ANO6: variants seen among roughly 807,000 people sequenced by gnomAD.
The protein encoded by ANO6 is anoctamin-6.
In ANO6, 106 loss-of-function variants were observed where a neutral mutation model predicts 117.5. That is an observed-to-expected ratio of 0.90 (90% CI 0.77 to 1.06). The LOEUF (loss-of-function observed/expected upper bound fraction) is 1.06, where lower values mean the gene tolerates loss of function less well. ANO6 is among the 50% of genes least tolerant of loss of function. The pLI is 0.00. For synonymous variants in ANO6, 367 were observed against 385.1 expected (o/e 0.95, Z 0.55); for missense variants, 955 against 1,121.1 (o/e 0.85, Z 2.12).
intron 1 of ANO6, among the ~76,000 whole-genome samples, chr12:45,250,665 A>T (rs1421708589): frequency 6.6e-6 from 1 of 151,808 alleles, no homozygotes; most frequent in Non-Finnish European, 1.5e-5. Flanking sequence ...TGCCTCTGAA[A>T]GTACTGGGAT....
In ANO6 at chr12:45,432,274, ATTAATG is replaced by A; in HGVS notation, c.*2969_*2974del. On this transcript the variant is annotated 3_prime_UTR_variant, in exon 20 of 20. Coordinates refer to ENST00000320560, the MANE Select transcript of ANO6 (RefSeq NM_001025356.3). ...TGCATTTTAATATTCTTTTATAATT[ATTAATG>A]TTAATTTCTGTGCATTTTAATATTC... The A allele has an allele frequency of 1.1e-6, 1 of 937,018 alleles. No homozygotes were observed. The highest frequency in any genetic ancestry group is 1.3e-6 in the Non-Finnish European group (1 of 786,722). 58.0% of individuals were successfully genotyped at this position (937,018 alleles called of 1,614,324 possible).
chr12:45,262,281 G>A (rs1424924574), intron 1 of ANO6, among the ~76,000 whole-genome samples: 1 of 152,088 alleles, frequency 6.6e-6, no homozygotes. Context: ...TGCCTCATAA[G>A]CACTCTCTGT....
intron 9 of ANO6, among the ~76,000 whole-genome samples, chr12:45,372,569 A>G (rs1258983565): frequency 6.9e-6 from 1 of 145,982 alleles, no homozygotes; most frequent in African/African-American, 2.6e-5. Flanking sequence ...ACATTCTTAA[A>G]GAAAAGAATT....
chr12:45,308,571 G>A lies in ANO6; in HGVS notation c.150+6478G>A, dbSNP rs146824063. On this transcript the variant is annotated intron_variant, in intron 2 of 19. Transcript: ENST00000320560. ...GGCAGCAATGAGAGCCTACTCAATGGTAGTGGTCATGGTCAGGGTTGGGTG... is the reference window on the plus strand; with the variant it reads ...GGCAGCAATGAGAGCCTACTCAATGATAGTGGTCATGGTCAGGGTTGGGTG... Among the ~76,000 whole-genome samples, 849 of 152,182 alleles carry A rather than the reference G, an allele frequency of 5.6e-3. 2 individuals are homozygous for A. Among genetic ancestry groups the A allele is most frequent in the Non-Finnish European group, 8.8e-3 (597 of 68,000 alleles).
chr12:45,412,788 C>T (rs1943119536), intron 16 of ANO6, among the ~76,000 whole-genome samples: 1 of 152,246 alleles, frequency 6.6e-6, no homozygotes, highest in South Asian at 2.1e-4. Context: ...TACCAGGGCA[C>T]TTGGTCCCTC....
chr12:45,317,107 T>TTATGTGTGTGTGTGTATATATATATATA (rs1185224135), intron 2 of ANO6, among the ~76,000 whole-genome samples: 11 of 12,490 alleles, frequency 8.8e-4, no homozygotes, highest in Admixed American at 1.9e-3. Context: ...TGGATTCTTT[T>TTATGTGTGTGTGTGTATATATATATATA]TATATGTATA....
chr12:45,328,330 CG>C (rs1940542223), intron 2 of ANO6, among the ~76,000 whole-genome samples: 1 of 152,058 alleles, frequency 6.6e-6, no homozygotes, highest in African/African-American at 2.4e-5. Context: ...TTTCCACCTT[CG>C]GAAGTCAGCC....
At chr12:45,223,247 TGATTGGCATCA>T in intron 1 of ANO6, among the ~76,000 whole-genome samples, 1 of 152,180 alleles carries the variant, frequency 6.6e-6, no homozygotes, top group Non-Finnish European at 1.5e-5. Flanking sequence ...CCGGGGCTTG[TGATTGGCATCA>T]GAAGTAGTGG....
chr12:45,427,322 C>T (rs1268855016), intron 19 of ANO6, among the ~76,000 whole-genome samples: 2 of 152,122 alleles, frequency 1.3e-5, no homozygotes, highest in Non-Finnish European at 2.9e-5. Flanking sequence ...CCAGCCACGC[C>T]CCAGTGCCCC....
intron 1 of ANO6, among the ~76,000 whole-genome samples, chr12:45,264,283 G>A (rs575924618): frequency 1.6e-4 from 24 of 152,312 alleles, no homozygotes; most frequent in South Asian, 8.3e-4. Flanking sequence ...ATACATGTAT[G>A]TCTTGGCTAA....
chr12:45,430,565 T>G lies in ANO6; in HGVS notation c.*1254T>G. The stretch of plus-strand genomic sequence containing the variant: ...ACTAGAGACAGGAGTATACCCAGCT[T>G]ATTCATAATCAAGTAAAGAGACTCA... On this transcript the variant is annotated 3_prime_UTR_variant, in exon 20 of 20. Transcript: ENST00000320560. 1.0e-6 allele frequency: 1 copy of G among 985,464 alleles called. No individual in the cohort carries two copies. The highest frequency in any genetic ancestry group is 1.2e-6 in the Non-Finnish European group (1 of 829,934). The allele number at this position is 985,464 out of a possible 1,614,324, so 61.0% of individuals were successfully genotyped here.
chr12:45,264,555 C>T (rs561415380), intron 1 of ANO6, among the ~76,000 whole-genome samples: 1 of 152,004 alleles, frequency 6.6e-6, no homozygotes, highest in African/African-American at 2.4e-5. Flanking sequence ...CTGTCATGGA[C>T]CAAAGAGTAA....
intron 10 of ANO6, among the ~76,000 whole-genome samples, chr12:45,381,313 A>G (rs1345417899): frequency 6.6e-6 from 1 of 152,228 alleles, no homozygotes. Flanking sequence ...ATGTTGATGT[A>G]AGAGTTTTAA....
At chr12:45,355,417 G>T (rs1380315116) in intron 7 of ANO6, among the ~76,000 whole-genome samples, 1 of 152,132 alleles carries the variant, frequency 6.6e-6, no homozygotes, top group Non-Finnish European at 1.5e-5. Context: ...GAGACTGCCT[G>T]ACCAGCTCTT....
chr12:45,342,580 TG>T (rs1941010023), intron 3 of ANO6, among the ~76,000 whole-genome samples: 1 of 151,978 alleles, frequency 6.6e-6, no homozygotes, highest in South Asian at 2.1e-4. Context: ...ATGGAAAATT[TG>T]GGGGGCTCAG....
rs77671648 is a variant in ANO6 at position 45,427,062 on chromosome 12, C to T, written c.2527-2043C>T. Among the ~76,000 whole-genome samples, 1,359 of 152,188 alleles carry T rather than the reference C, an allele frequency of 8.9e-3. 24 individuals are homozygous for T. The highest frequency in any genetic ancestry group is 0.031 in the African/African-American group (1,281 of 41,530). On this transcript the variant is annotated intron_variant, in intron 19 of 19. Transcript: ENST00000320560. ...TCTCTCCCATCCACAGTATTTCCCT[C>T]TTGATTATGGCAACTCCATCTCAAC... is the stretch of plus-strand genomic sequence containing the variant.
intron 10 of ANO6, among the ~76,000 whole-genome samples, chr12:45,381,429 T>TA (rs1183314133): frequency 6.6e-6 from 1 of 152,170 alleles, no homozygotes; most frequent in Non-Finnish European, 1.5e-5. Flanking sequence ...GAGCAAAAGA[T>TA]ACGGAACAGA....
chr12:45,303,746 C>A (rs191227024), intron 2 of ANO6, among the ~76,000 whole-genome samples: 2 of 152,228 alleles, frequency 1.3e-5, no homozygotes, highest in African/African-American at 4.8e-5. Flanking sequence ...GCTAGAATGC[C>A]CAGGGGTGGA....
chr12:45,401,844 C>T lies in ANO6; in HGVS notation c.1436C>T (p.Ser479Leu), dbSNP rs770417779. 1.2e-5 allele frequency: 19 copies of T among 1,613,698 alleles called. No homozygotes were observed. The highest frequency in any genetic ancestry group is 6.6e-5 in the South Asian group (6 of 91,054). ...SVIGIIVYRL[S>L]VFIVFSAKLP... ...ATTGGGATCATTGTCTATAGGCTCT[C>T]GGTGTTCATTGTATTTTCTGCAAAA... Residue 479 changes from serine to leucine, a missense_variant, in exon 13 of 20, where the codon TCG (serine) becomes TTG (leucine). Ser to Leu is a moderately radical substitution (Grantham distance 145). Coordinates refer to ENST00000320560, the MANE Select transcript of ANO6 (RefSeq NM_001025356.3).
Sources: gnomAD v4.1 joint callset for allele counts (sites outside exome capture counted in the v4.1 genomes callset) on GRCh38, gnomAD v4.1.1 for gene constraint, MANE v1.5 for transcripts, NCBI Gene and HGNC (gene_info 2026-07-23, HGNC 2026-07-21) for gene names.